Variants in FER observed in about 807,000 individuals in gnomAD.
FER encodes tyrosine-protein kinase Fer.
FER carries 63 observed loss-of-function variants against 111.0 expected under a neutral mutation model. That is an observed-to-expected ratio of 0.57 (90% CI 0.46 to 0.70). FER has a LOEUF of 0.70. Among genes scored for constraint, FER ranks in the 30% least tolerant of loss-of-function variants. FER has a pLI of 0.00. For synonymous variants in FER, 327 were observed against 313.9 expected (o/e 1.04, Z -0.44); for missense variants, 914 against 954.0 (o/e 0.96, Z 0.55).
In FER at chr5:108,910,077, TCATC is replaced by T. The variant is rs1014243430; in HGVS notation, c.1236+12232_1236+12235del. ...TAATGTTTGTAAATATATAAGTAGATCATCCAAATTGGTTTAGAAAAAAGTAATG... is the reference window on the plus strand; with the variant it reads ...TAATGTTTGTAAATATATAAGTAGATCAAATTGGTTTAGAAAAAAGTAATG... On this transcript the variant is annotated intron_variant, in intron 10 of 19. Coordinates refer to ENST00000281092, the MANE Select transcript of FER (RefSeq NM_005246.4). 5.5e-4 allele frequency among the ~76,000 whole-genome samples: 83 copies of T among 152,144 alleles called. 1 individual carries two copies. The highest frequency in any genetic ancestry group is 1.9e-3 in the African/African-American group (81 of 41,562).
At chr5:108,770,069 C>T (rs1387362117) in intron 2 of FER, among the ~76,000 whole-genome samples, 1 of 152,204 alleles carries the variant, frequency 6.6e-6, no homozygotes, top group African/African-American at 2.4e-5. Flanking sequence ...CTGCCTCAGC[C>T]TCCCAAGTAG....
chr5:108,891,009 T>A (rs1747958608), intron 9 of FER, among the ~76,000 whole-genome samples: 1 of 152,106 alleles, frequency 6.6e-6, no homozygotes, highest in Non-Finnish European at 1.5e-5. Context: ...TCCAGTTTTT[T>A]CTCATCCTTG....
chr5:109,026,339 A>T (rs1007619338), intron 13 of FER, among the ~76,000 whole-genome samples: 2 of 152,194 alleles, frequency 1.3e-5, no homozygotes, highest in Non-Finnish European at 2.9e-5. Context: ...ATTTAGAATG[A>T]ATTTATAGAA....
At position 108,966,607 on chromosome 5, in the gene FER, C is replaced by G. The variant is rs142461394; in HGVS notation, c.1656+7260C>G. On this transcript the variant is annotated intron_variant, in intron 13 of 19. Transcript: ENST00000281092. Reference sequence around the variant, plus strand: ...TTCATCATGTTGCTCAGGCTGGTCTCGAACTCGTGACCTCATGATCCACCC... The same window carrying G: ...TTCATCATGTTGCTCAGGCTGGTCTGGAACTCGTGACCTCATGATCCACCC... 5.7e-4 allele frequency among the ~76,000 whole-genome samples: 86 copies of G among 151,998 alleles called. No homozygotes were observed. In the East Asian group the frequency reaches 0.016, roughly 29 times the overall value.
chr5:108,809,851 C>G (rs889764629), intron 3 of FER, among the ~76,000 whole-genome samples: 1 of 152,200 alleles, frequency 6.6e-6, no homozygotes, highest in Non-Finnish European at 1.5e-5. Flanking sequence ...ATGTGAGCCA[C>G]CATGCCAAGC....
chr5:109,034,431 T>C (rs1770083926), intron 13 of FER, among the ~76,000 whole-genome samples: 1 of 151,998 alleles, frequency 6.6e-6, no homozygotes, highest in African/African-American at 2.4e-5. Context: ...GTTTGGGGTT[T>C]ATTAAAAGCC....
At chr5:108,918,391 C>G (rs1473480053) in intron 10 of FER, among the ~76,000 whole-genome samples, 1 of 152,046 alleles carries the variant, frequency 6.6e-6, no homozygotes, top group Admixed American at 6.6e-5. Flanking sequence ...CAAAATCATT[C>G]TATGTGGGCC....
chr5:109,038,264 G>T (rs909311227), intron 14 of FER, among the ~76,000 whole-genome samples: 2 of 151,696 alleles, frequency 1.3e-5, no homozygotes, highest in Non-Finnish European at 3.0e-5. Flanking sequence ...ATAAAAATGT[G>T]AATTCATTTT....
At chr5:109,047,820 A>C (rs975720639) in intron 16 of FER, among the ~76,000 whole-genome samples, 3 of 145,832 alleles carry the variant, frequency 2.1e-5, no homozygotes, top group African/African-American at 7.4e-5. Flanking sequence ...TATGTGGACA[A>C]ACAAAAAGGT....
rs747609106 is a variant in FER, at chr5:109,044,639, C to A, written c.1714-41C>A. On this transcript the variant is annotated intron_variant, in intron 14 of 19. Coordinates refer to ENST00000281092, the MANE Select transcript of FER (RefSeq NM_005246.4). ...CTTGTATTTGGCAAAGATATACATG[C>A]TGTCATTTACCCCAGACAATGAATG... 10 of 1,018,688 alleles carry A rather than the reference C, an allele frequency of 9.8e-6. No homozygotes were observed. In the East Asian group the frequency reaches 2.5e-4, roughly 26 times the overall value. The allele number at this position is 1,018,688 out of a possible 1,614,324, so 63.1% of individuals were successfully genotyped here. A position where few individuals can be genotyped will look rare whatever the true frequency, so the allele number is the denominator to read the frequency against.
chr5:108,893,491 A>C (rs1403476930), intron 9 of FER, among the ~76,000 whole-genome samples: 6 of 152,004 alleles, frequency 3.9e-5, no homozygotes, highest in Non-Finnish European at 8.8e-5. Context: ...GAGTCAGTAC[A>C]TTCTATCTTC....
intron 5 of FER, among the ~76,000 whole-genome samples, chr5:108,861,502 G>A (rs1171601784): frequency 6.6e-6 from 1 of 152,040 alleles, no homozygotes; most frequent in Admixed American, 6.5e-5. Flanking sequence ...GGAAAAATTG[G>A]ATGTTTTCCT....
At chr5:109,107,070 C>T (rs1429672655) in intron 17 of FER, among the ~76,000 whole-genome samples, 1 of 152,098 alleles carries the variant, frequency 6.6e-6, no homozygotes, top group South Asian at 2.1e-4. Flanking sequence ...AATAGTAGTA[C>T]ATTAAGGCTA....
In FER at chr5:108,835,776, C is replaced by A; in HGVS notation, c.450C>A (p.Ala150=). 4 of 1,557,018 alleles carry A rather than the reference C, an allele frequency of 2.6e-6. No homozygotes were observed. The highest frequency in any genetic ancestry group is 2.5e-5 in the South Asian group (2 of 81,566). Residue 150 remains alanine (A), a synonymous_variant, in exon 5 of 20, where the codon GCC becomes GCA. Transcript: ENST00000281092. ...YRQLIKEMNS[A]KEKYKEALAK... ...AATTAATAAAAGAAATGAATTCTGC[C>A]AAAGAGAAATATAAAGAAGCTTTAG...
At chr5:108,983,139 G>C (rs1762185339) in intron 13 of FER, among the ~76,000 whole-genome samples, 1 of 151,966 alleles carries the variant, frequency 6.6e-6, no homozygotes, top group Non-Finnish European at 1.5e-5. Flanking sequence ...ATCTTGATGA[G>C]ATGCTATGAC....
chr5:108,999,017 A>G lies in FER; in HGVS notation c.1657-38405A>G, dbSNP rs1035390252. On this transcript the variant is annotated intron_variant, in intron 13 of 19. Coordinates refer to ENST00000281092, the MANE Select transcript of FER (RefSeq NM_005246.4). ...AAAAATACAGAGACTAAACTAGTAA[A>G]TACCCATATATGAACTAACTTTTAA... Among the ~76,000 whole-genome samples the G allele has an allele frequency of 1.2e-4, 19 of 152,194 alleles. No homozygotes were observed. In the East Asian group the frequency reaches 1.7e-3, roughly 14 times the overall value.
chr5:108,975,201 G>C (rs1369409082), intron 13 of FER, among the ~76,000 whole-genome samples: 1 of 152,112 alleles, frequency 6.6e-6, no homozygotes, highest in African/African-American at 2.4e-5. Context: ...GAGTTGAACA[G>C]TGAGAACACA....
chr5:109,139,893 T>TA (rs546343683), intron 17 of FER, among the ~76,000 whole-genome samples: 23 of 150,884 alleles, frequency 1.5e-4, no homozygotes, highest in African/African-American at 2.2e-4. Context: ...TGGATTGCAA[T>TA]AAAAAAAAAT....
chr5:108,874,145 A>G (rs1316207175), intron 8 of FER, among the ~76,000 whole-genome samples: 1 of 152,206 alleles, frequency 6.6e-6, no homozygotes, highest in East Asian at 1.9e-4. Flanking sequence ...ATGTTTTAAT[A>G]AACACCAGAA....
Sources: gnomAD v4.1 joint callset for allele counts (sites outside exome capture counted in the v4.1 genomes callset) on GRCh38, gnomAD v4.1.1 for gene constraint, MANE v1.5 for transcripts, NCBI Gene and HGNC (gene_info 2026-07-23, HGNC 2026-07-21) for gene names.